Variants in SMOC2 observed in about 807,000 individuals in gnomAD.
SMOC2 encodes SPARC-related modular calcium-binding protein 2.
A neutral mutation model predicts 61.4 loss-of-function variants in SMOC2; 39 were observed. That is an observed-to-expected ratio of 0.64 (90% confidence interval 0.49 to 0.83). The LOEUF is 0.83. Among genes scored for constraint, SMOC2 ranks in the 40% least tolerant of loss-of-function variants. SMOC2 has a pLI of 0.00. For synonymous variants in SMOC2, 247 were observed against 239.9 expected, an observed-to-expected ratio of 1.03 and a Z score of -0.27; for missense variants, 556 against 592.9, an observed-to-expected ratio of 0.94 and a Z score of 0.65.
intron 1 of SMOC2, among the ~76,000 whole-genome samples, chr6:168,451,996 G>C (rs997422655): frequency 6.6e-6 from 1 of 152,194 alleles, no homozygotes; most frequent in Admixed American, 6.5e-5. Context: ...TGTCTCCCAG[G>C]TTCCCTGGTT....
intron 8 of SMOC2, among the ~76,000 whole-genome samples, chr6:168,604,214 C>T (rs1218239926): frequency 1.3e-5 from 2 of 152,208 alleles, no homozygotes; most frequent in Non-Finnish European, 2.9e-5. Flanking sequence ...GACACAGGAG[C>T]CCATCTCTTT....
chr6:168,554,056 G>C (rs1403733425), intron 7 of SMOC2, among the ~76,000 whole-genome samples: 3 of 150,664 alleles, frequency 2.0e-5, no homozygotes, highest in African/African-American at 7.4e-5. Flanking sequence ...TTCCCCACCA[G>C]GTATCAGCTT....
chr6:168,666,264 A>C (rs1409115748), intron 12 of SMOC2, among the ~76,000 whole-genome samples, 157 bp from the exon 13 acceptor site: 3 of 150,906 alleles, frequency 2.0e-5, no homozygotes, highest in Non-Finnish European at 4.5e-5. Context: ...ACCAGTGTCC[A>C]AAATGTCTTC....
intron 2 of SMOC2, among the ~76,000 whole-genome samples, chr6:168,515,971 G>A (rs1783122299): frequency 6.6e-6 from 1 of 152,188 alleles, no homozygotes; most frequent in Admixed American, 6.5e-5. Context: ...TTTTCTCTAC[G>A]TGATTCCTGG....
At chr6:168,658,352 A>G (rs1424117026) in intron 11 of SMOC2, among the ~76,000 whole-genome samples, 3 of 152,192 alleles carry the variant, frequency 2.0e-5, no homozygotes, top group African/African-American at 7.2e-5. Context: ...GCTAATTTTT[A>G]TGGTCATAAT....
At chr6:168,636,274 G>C (rs1396363070) in intron 9 of SMOC2, among the ~76,000 whole-genome samples, 2 of 152,204 alleles carry the variant, frequency 1.3e-5, no homozygotes, top group African/African-American at 4.8e-5. Context: ...GGTCACACCA[G>C]CTCATCATGC....
At chr6:168,488,571 G>T (rs1408870876) in intron 1 of SMOC2, among the ~76,000 whole-genome samples, 3 of 152,212 alleles carry the variant, frequency 2.0e-5, no homozygotes, top group Admixed American at 2.0e-4. Context: ...GTGGGTGGGA[G>T]GCAGAGAAAA....
chr6:168,449,361 T>G (rs2114991932), intron 1 of SMOC2, among the ~76,000 whole-genome samples: 1 of 152,348 alleles, frequency 6.6e-6, no homozygotes, highest in African/African-American at 2.4e-5. Context: ...GAAAATGACT[T>G]CATAAAATAT....
chr6:168,666,715 C>A lies in SMOC2; in HGVS notation c.*277C>A, dbSNP rs1165796569. On this transcript the variant is annotated 3_prime_UTR_variant, in exon 13 of 13. Transcript: ENST00000356284. ...ATTTGAATGCATTTAGGCTTAATTT[C>A]TTCGCCTTCCACATGTTAACAGTAG... 4 of 482,962 alleles carry A rather than the reference C, an allele frequency of 8.3e-6. No individual in the cohort carries two copies. Among genetic ancestry groups the A allele is most frequent in the Admixed American group, 3.6e-5 (1 of 27,972 alleles). The allele number at this position is 482,962 out of a possible 1,614,324, so 29.9% of individuals were successfully genotyped here. A position where few individuals can be genotyped will look rare whatever the true frequency, so the allele number is the denominator to read the frequency against.
At chr6:168,501,572 T>G (rs1409780059) in intron 1 of SMOC2, among the ~76,000 whole-genome samples, 5 of 152,212 alleles carry the variant, frequency 3.3e-5, no homozygotes, top group Middle Eastern at 6.8e-3. Flanking sequence ...GGGGGGAAGA[T>G]GGAACCAAGA....
chr6:168,542,452 G>A lies in SMOC2; in HGVS notation c.464-1173G>A, dbSNP rs146363484. ...CCCTGGGGACACTAAATTCCCAAAC[G>A]CATATTATTTAGTTATTTTTAGATA... On this transcript the variant is annotated intron_variant, in intron 4 of 12. Coordinates refer to ENST00000356284, the MANE Select transcript of SMOC2 (RefSeq NM_001166412.2). 1.5e-3 allele frequency among the ~76,000 whole-genome samples: 231 copies of A among 152,270 alleles called. 2 individuals are homozygous for A. The highest frequency in any genetic ancestry group is 5.3e-3 in the African/African-American group (220 of 41,538).
At chr6:168,657,047 A>C (rs1787341317) in intron 11 of SMOC2, among the ~76,000 whole-genome samples, 1 of 152,238 alleles carries the variant, frequency 6.6e-6, no homozygotes, top group East Asian at 1.9e-4. Flanking sequence ...CTAATAAGAC[A>C]AAAAAGAAAA....
chr6:168,636,103 G>T (rs779229307), intron 9 of SMOC2, among the ~76,000 whole-genome samples: 3 of 152,232 alleles, frequency 2.0e-5, no homozygotes, highest in Non-Finnish European at 4.4e-5. Context: ...CCTGTGAGAA[G>T]TGTCTGCACT....
chr6:168,514,806 C>T (rs985667803), intron 2 of SMOC2, among the ~76,000 whole-genome samples: 9 of 152,098 alleles, frequency 5.9e-5, no homozygotes, highest in Non-Finnish European at 1.3e-4. Flanking sequence ...TGAAAGGCCG[C>T]GAAGAAGCTT....
intron 1 of SMOC2, among the ~76,000 whole-genome samples, chr6:168,473,937 T>C (rs2115016294): frequency 6.6e-6 from 1 of 152,158 alleles, no homozygotes; most frequent in African/African-American, 2.4e-5. Context: ...CAGAGTCTTG[T>C]CCCTTCCCAG....
chr6:168,514,828 G>A (rs183494616), intron 2 of SMOC2, among the ~76,000 whole-genome samples: 39 of 152,290 alleles, frequency 2.6e-4, no homozygotes, highest in Non-Finnish European at 2.2e-4. Context: ...CGCTTTAGCC[G>A]TAGCCTTTGA....
chr6:168,656,092 G>A (rs1292244614), intron 11 of SMOC2, among the ~76,000 whole-genome samples: 3 of 152,236 alleles, frequency 2.0e-5, no homozygotes, highest in Non-Finnish European at 4.4e-5. Flanking sequence ...GCTGGGTAGG[G>A]CTAGTAGACA....
At chr6:168,586,146 A>G (rs1440190826) in intron 7 of SMOC2, among the ~76,000 whole-genome samples, 1 of 152,102 alleles carries the variant, frequency 6.6e-6, no homozygotes, top group East Asian at 1.9e-4. Context: ...TCTCTAATTT[A>G]TCTCAAATAA....
At chr6:168,627,897 G>C (rs374305775) in intron 9 of SMOC2, among the ~76,000 whole-genome samples, 58 of 152,142 alleles carry the variant, frequency 3.8e-4, no homozygotes, top group African/African-American at 1.3e-3. Context: ...CCACAGGAGG[G>C]GCCCTCACAC....
Sources: allele counts gnomAD v4.1 joint callset (sites outside exome capture counted in the v4.1 genomes callset), GRCh38; gene constraint gnomAD v4.1.1; transcripts MANE v1.5; gene names NCBI Gene and HGNC (gene_info 2026-07-23, HGNC 2026-07-21).